GRID2: variants seen among roughly 807,000 people sequenced by gnomAD.
GRID2 encodes glutamate receptor ionotropic, delta-2.
GRID2 carries 33 observed loss-of-function variants against 114.8 expected under a neutral mutation model. The observed-to-expected ratio is 0.29, with a 90% confidence interval of 0.22 to 0.38. The LOEUF is 0.38. Ranked by LOEUF, GRID2 falls within the 10% of genes least tolerant of loss-of-function variation. GRID2 has a pLI of 1.00. For missense variants in GRID2, 1,184 were observed against 1,257.7 expected (o/e 0.94, Z 0.89); for synonymous variants, 505 against 449.9 (o/e 1.12, Z -1.55).
intron 1 of GRID2, among the ~76,000 whole-genome samples, chr4:92,504,592 TG>T (rs1723860755): frequency 6.6e-6 from 1 of 152,058 alleles, no homozygotes; most frequent in Admixed American, 6.6e-5. Context: ...TTGGTGCAGT[TG>T]TTGAGATAAT....
chr4:93,624,267 A>G (rs1742485992), intron 13 of GRID2, among the ~76,000 whole-genome samples: 1 of 152,112 alleles, frequency 6.6e-6, no homozygotes, highest in South Asian at 2.1e-4. Flanking sequence ...TATATCATCA[A>G]ATAATGATAA....
At chr4:93,165,350 G>C (rs765924937) in intron 4 of GRID2, among the ~76,000 whole-genome samples, 2 of 151,888 alleles carry the variant, frequency 1.3e-5, no homozygotes, top group Non-Finnish European at 2.9e-5. Context: ...CCTAAATATA[G>C]CCAAAGTCAA....
At chr4:93,343,694 T>G (rs1759895696) in intron 8 of GRID2, among the ~76,000 whole-genome samples, 1 of 152,092 alleles carries the variant, frequency 6.6e-6, no homozygotes. Context: ...TTTTAAATGT[T>G]TGGTAGATTT....
chr4:92,656,434 C>G (rs1732238993), intron 2 of GRID2, among the ~76,000 whole-genome samples: 1 of 151,172 alleles, frequency 6.6e-6, no homozygotes, highest in Non-Finnish European at 1.5e-5. Flanking sequence ...ACAGTACATT[C>G]TAGCAAGTTC....
Position 92,449,573 on chromosome 4 carries a change from ACT to A in GRID2, c.89-140555_89-140554del, listed in dbSNP as rs201767860. Among the ~76,000 whole-genome samples, 728 of 149,546 alleles carry A rather than the reference ACT, an allele frequency of 4.9e-3. 8 individuals carry two copies. The highest frequency in any genetic ancestry group is 0.016 in the African/African-American group (653 of 40,858). On this transcript the variant is annotated intron_variant, in intron 1 of 15. Transcript: ENST00000282020. ...TGTATACACTCTTCATATAATAATA[ACT>A]CTGTCATAACTGCAAAAATATTCAT...
At chr4:93,361,286 C>G (rs1377367855) in intron 8 of GRID2, among the ~76,000 whole-genome samples, 1 of 151,978 alleles carries the variant, frequency 6.6e-6, no homozygotes, top group East Asian at 1.9e-4. Flanking sequence ...AATTTGAACC[C>G]AAGCTCTCTG....
intron 1 of GRID2, among the ~76,000 whole-genome samples, chr4:92,376,597 C>T (rs754225972): frequency 2.0e-5 from 3 of 152,126 alleles, no homozygotes; most frequent in Admixed American, 6.5e-5. Context: ...TGTGTGGGGG[C>T]TCTGACCCCA....
chr4:92,399,308 T>C (rs955747453), intron 1 of GRID2, among the ~76,000 whole-genome samples: 8 of 152,118 alleles, frequency 5.3e-5, no homozygotes, highest in Admixed American at 5.2e-4. Flanking sequence ...CCTTCCTCCG[T>C]TGAGCTCATA....
intron 2 of GRID2, among the ~76,000 whole-genome samples, chr4:92,672,404 T>A (rs1198975598): frequency 6.6e-6 from 1 of 152,140 alleles, no homozygotes. Context: ...GAATACCCAA[T>A]GTTAAAATAC....
At chr4:93,593,066 TA>T (rs757254205) in intron 13 of GRID2, among the ~76,000 whole-genome samples, 2 of 152,082 alleles carry the variant, frequency 1.3e-5, no homozygotes, top group African/African-American at 2.4e-5. Context: ...CATTTAAAGT[TA>T]ATAGTGTTAT....
intron 2 of GRID2, among the ~76,000 whole-genome samples, chr4:92,995,324 G>A (rs1288316141): frequency 6.6e-6 from 1 of 152,078 alleles, no homozygotes; most frequent in East Asian, 1.9e-4. Flanking sequence ...GCATTTGAGT[G>A]GCATTGTGGG....
At chr4:93,071,369 TTC>T (rs1473313102) in intron 2 of GRID2, among the ~76,000 whole-genome samples, 2 of 152,146 alleles carry the variant, frequency 1.3e-5, no homozygotes, top group Non-Finnish European at 2.9e-5. Flanking sequence ...CCAATCTGTG[TTC>T]TAGGTTTAGG....
intron 10 of GRID2, among the ~76,000 whole-genome samples, chr4:93,444,646 C>T (rs945411462): frequency 2.0e-5 from 3 of 152,046 alleles, no homozygotes; most frequent in African/African-American, 7.2e-5. Context: ...AGAGTACCTT[C>T]ATAATCAATA....
intron 14 of GRID2, among the ~76,000 whole-genome samples, chr4:93,678,893 C>T (rs1436043809): frequency 2.0e-5 from 3 of 149,994 alleles, no homozygotes; most frequent in Non-Finnish European, 4.4e-5. Flanking sequence ...AACCAGCTAA[C>T]ATCATAATGA....
intron 8 of GRID2, among the ~76,000 whole-genome samples, chr4:93,284,942 G>A (rs1752994184): frequency 3.3e-5 from 5 of 151,964 alleles, no homozygotes; most frequent in Admixed American, 3.3e-4. Flanking sequence ...GAGTGGGTAG[G>A]TGAGTAAGTG....
chr4:93,342,312 A>AGACTGCTCT (rs1440372410), intron 8 of GRID2, among the ~76,000 whole-genome samples: 1 of 152,108 alleles, frequency 6.6e-6, no homozygotes, highest in African/African-American at 2.4e-5. Flanking sequence ...ATATATGCCA[A>AGACTGCTCT]CTTTTCCTGT....
chr4:92,555,989 A>G lies in GRID2; in HGVS notation c.89-34142A>G, dbSNP rs1332250265. Among the ~76,000 whole-genome samples, 3 of 152,038 alleles carry G rather than the reference A, an allele frequency of 2.0e-5. No homozygotes were observed. The East Asian group carries it at 5.8e-4, about 29-fold the overall frequency. ...TTTTCCCTGCCTCCTTGAATAATTT[A>G]TGTTCTTTGGCTTCTCTTACCCATG... is the stretch of plus-strand genomic sequence containing the variant. On this transcript the variant is annotated intron_variant, in intron 1 of 15. Coordinates refer to ENST00000282020, the MANE Select transcript of GRID2 (RefSeq NM_001510.4).
intron 9 of GRID2, among the ~76,000 whole-genome samples, chr4:93,406,442 G>A (rs1474745165): frequency 2.0e-5 from 3 of 152,136 alleles, no homozygotes; most frequent in Non-Finnish European, 4.4e-5. Context: ...TCATTTTTGA[G>A]ATATGTTGTA....
Position 93,110,781 on chromosome 4 carries a change from T to A in GRID2, c.563T>A (p.Val188Asp). 6.2e-7 allele frequency: 1 copy of A among 1,612,860 alleles called. No homozygotes were observed. Among genetic ancestry groups the A allele is most frequent in the South Asian group, 1.1e-5 (1 of 91,062 alleles). Residue 188 changes from valine to aspartate, a missense_variant, in exon 4 of 16, where the codon GTC (valine) becomes GAC (aspartate). Transcript: ENST00000282020. ...GGAATACAGGAGTTCTTGGACAAAG[T>A]CTCTCAGCAGGGAATGGATGTTGCA... ...IRGIQEFLDK[V>D]SQQGMDVALQ...
Sources: allele counts gnomAD v4.1 joint callset (sites outside exome capture counted in the v4.1 genomes callset), GRCh38; gene constraint gnomAD v4.1.1; transcripts MANE v1.5; gene names NCBI Gene and HGNC (gene_info 2026-07-23, HGNC 2026-07-21).